Variants in PDLIM4 observed in about 807,000 individuals in gnomAD.
PDLIM4 encodes the protein PDZ and LIM domain protein 4.
PDLIM4 carries 19 observed loss-of-function variants against 31.3 expected under a neutral mutation model. The ratio of observed to expected loss-of-function variants is 0.61; its 90% CI spans 0.42 to 0.89. PDLIM4 has a LOEUF of 0.89. PDLIM4 is among the 40% of genes least tolerant of loss of function. The probability of loss-of-function intolerance (pLI) is 0.00; values close to 1 mark genes in which losing one functional copy is unlikely to be tolerated. For missense variants in PDLIM4, 442 were observed against 461.1 expected (o/e 0.96, Z 0.38); for synonymous variants, 176 against 190.1 (o/e 0.93, Z 0.61).
At chr5:132,266,242 C>A (rs1756489269) in intron 2 of PDLIM4, among the ~76,000 whole-genome samples, 1 of 152,308 alleles carries the variant, frequency 6.6e-6, no homozygotes, top group East Asian at 1.9e-4. Flanking sequence ...AGGGATTGGG[C>A]AGCCGATGGG....
chr5:132,267,595 C>A (rs1377702033), intron 3 of PDLIM4, among the ~76,000 whole-genome samples: 3 of 152,152 alleles, frequency 2.0e-5, no homozygotes, highest in Admixed American at 2.0e-4. Context: ...GTATTGAAGC[C>A]AAGACCTGAA....
chr5:132,271,940 C>A (rs1056815475), intron 6 of PDLIM4, 32 bp downstream of exon 6: 1 of 1,591,388 alleles, frequency 6.3e-7, no homozygotes. Flanking sequence ...CCCTCCCGGA[C>A]CCTAGCCTTC....
chr5:132,268,051 G>A (rs904262143), intron 3 of PDLIM4, among the ~76,000 whole-genome samples: 1 of 152,020 alleles, frequency 6.6e-6, no homozygotes, highest in Non-Finnish European at 1.5e-5. Context: ...TCTTCCAGGA[G>A]AGGCTCAGGG....
chr5:132,262,566 C>G, intron 1 of PDLIM4, 43 bp from the exon 2 acceptor site: 1 of 1,539,084 alleles, frequency 6.5e-7, no homozygotes, highest in Non-Finnish European at 8.8e-7. Context: ...GCAGCAAGAC[C>G]ATATCATGAC....
At position 132,260,426 on chromosome 5, in the gene PDLIM4, C is replaced by T. The variant is rs569889376; in HGVS notation, c.94-2183C>T. ...CCAGGAGAAATGCCAGCTTCCCACC[C>T]GGGTGTACAAGACTCTGCAATATCT... On this transcript the variant is annotated intron_variant, in intron 1 of 6. Coordinates refer to ENST00000253754, the MANE Select transcript of PDLIM4 (RefSeq NM_003687.4). Among the ~76,000 whole-genome samples, 15 of 152,306 alleles carry T rather than the reference C, an allele frequency of 9.8e-5. No individual in the cohort carries two copies. In the South Asian group the frequency reaches 2.5e-3, roughly 25 times the overall value.
At chr5:132,262,469 C>T in intron 1 of PDLIM4, 140 bp from the exon 2 acceptor site, 1 of 697,408 alleles carries the variant, frequency 1.4e-6, no homozygotes, top group Non-Finnish European at 2.2e-6. Flanking sequence ...CCTCAACCAG[C>T]CACTCGGCTT....
At chr5:132,265,598 G>T (rs1446472486) in intron 2 of PDLIM4, among the ~76,000 whole-genome samples, 2 of 152,194 alleles carry the variant, frequency 1.3e-5, no homozygotes, top group Non-Finnish European at 2.9e-5. Flanking sequence ...ACCCTCAACT[G>T]AAGGGGGCAG....
intron 4 of PDLIM4, 98 bp from the exon 5 acceptor site, chr5:132,271,205 T>A: frequency 6.7e-7 from 1 of 1,491,162 alleles, no homozygotes. Flanking sequence ...GGGTCTTAGC[T>A]GGTTGCATTC....
rs758430918 is a variant in PDLIM4 at position 132,271,030 on chromosome 5, A to C, written c.443A>C (p.Asn148Thr). 6.2e-7 allele frequency: 1 copy of C among 1,613,986 alleles called. No individual in the cohort carries two copies. Among genetic ancestry groups the C allele is most frequent in the Admixed American group, 1.7e-5 (1 of 60,002 alleles). The change falls in exon 4 of 7, where the codon AAT (asparagine) becomes ACT (threonine). Residue 148 changes from asparagine to threonine, a missense_variant. Coordinates refer to ENST00000253754, the MANE Select transcript of PDLIM4 (RefSeq NM_003687.4). ...CCCCCTCGCTTTCCAGTCCCTCACA[A>C]TGGCAGCAGCGAGGCCACCCTGCCA... ...GQPPRFPVPH[N>T]GSSEATLPAQ...
Position 132,271,822 on chromosome 5 carries a change from C to T in PDLIM4, c.702C>T (p.Asn234=). The T allele has an allele frequency of 6.2e-7, 1 of 1,612,982 alleles. No individual in the cohort carries two copies. The highest frequency in any genetic ancestry group is 8.5e-7 in the Non-Finnish European group (1 of 1,179,566). ...GDWPGPGGPR[N]LKPTASKLGA... ...GGCCCGGGCCTGGCGGCCCCCGGAA[C>T]CTCAAGCCCACGGCCAGCAAGCTGG... The change falls in exon 6 of 7, where the codon AAC becomes AAT. Residue 234 remains asparagine (N), a synonymous_variant. Coordinates refer to ENST00000253754, the MANE Select transcript of PDLIM4 (RefSeq NM_003687.4).
intron 3 of PDLIM4, among the ~76,000 whole-genome samples, chr5:132,267,198 G>T (rs150980701): frequency 6.6e-6 from 1 of 152,314 alleles, no homozygotes; most frequent in Non-Finnish European, 1.5e-5. Context: ...GGGCCACAGA[G>T]TTTGGGCAAG....
At chr5:132,259,137 C>CTGTGTG (rs70974028) in intron 1 of PDLIM4, among the ~76,000 whole-genome samples, 38,231 of 146,002 alleles carry the variant, frequency 0.26, 6,208 homozygotes, top group Non-Finnish European at 0.39. Context: ...AGGATTCCTG[C>CTGTGTG]TGTGTGTGTG....
chr5:132,264,221 C>T (rs1756441181), intron 2 of PDLIM4, among the ~76,000 whole-genome samples: 2 of 152,042 alleles, frequency 1.3e-5, no homozygotes, highest in Admixed American at 6.6e-5. Flanking sequence ...GTGGAGGTCC[C>T]CCTCCTTCTT....
At chr5:132,265,144 C>T (rs1756462189) in intron 2 of PDLIM4, among the ~76,000 whole-genome samples, 1 of 152,176 alleles carries the variant, frequency 6.6e-6, no homozygotes. Context: ...CTACCCTTTG[C>T]CTGTCATTTT....
At chr5:132,270,621 G>A in intron 3 of PDLIM4, 1 of 496,126 alleles carries the variant, frequency 2.0e-6, no homozygotes. Context: ...CTGAGTGGTG[G>A]TGGGCAGAAC....
intron 2 of PDLIM4, among the ~76,000 whole-genome samples, chr5:132,264,160 G>GCC (rs770556511): frequency 2.6e-5 from 4 of 152,188 alleles, no homozygotes; most frequent in Non-Finnish European, 5.9e-5. Flanking sequence ...CTCAGAGGGG[G>GCC]CCTGAGTCAG....
intron 1 of PDLIM4, among the ~76,000 whole-genome samples, chr5:132,262,256 G>A (rs566032435): frequency 6.6e-6 from 1 of 152,198 alleles, no homozygotes; most frequent in Non-Finnish European, 1.5e-5. Context: ...TGTCCATGCT[G>A]TGTATGTATC....
At position 132,270,983 on chromosome 5, in the gene PDLIM4, C is replaced by T. The variant is rs199602344; in HGVS notation, c.396C>T (p.Ser132=). The T allele has an allele frequency of 1.2e-6, 2 of 1,614,088 alleles. No individual in the cohort carries two copies. The highest frequency in any genetic ancestry group is 2.2e-5 in the East Asian group (1 of 44,882). ...CTGGGCCAGAAGATGGCAGACCAAG[C>T]CTGGGATCTCCATATGGACAACCCC... ...TGTGPEDGRP[S]LGSPYGQPPR... is the part of the protein sequence containing the mutation. Residue 132 remains serine, a synonymous_variant, in exon 4 of 7, where the codon AGC becomes AGT. Coordinates refer to ENST00000253754, the MANE Select transcript of PDLIM4 (RefSeq NM_003687.4).
chr5:132,259,346 G>A (rs140889000), intron 1 of PDLIM4, among the ~76,000 whole-genome samples: 109 of 152,234 alleles, frequency 7.2e-4, no homozygotes, highest in African/African-American at 2.6e-3. Flanking sequence ...GCGGCTGCCT[G>A]CCCTCCGAGG....
Sources: allele counts gnomAD v4.1 joint callset (sites outside exome capture counted in the v4.1 genomes callset), GRCh38; gene constraint gnomAD v4.1.1; transcripts MANE v1.5; gene names NCBI Gene and HGNC (gene_info 2026-07-23, HGNC 2026-07-21).